Variants in DPYD observed in about 807,000 individuals in gnomAD.
The protein encoded by DPYD is dihydropyrimidine dehydrogenase [NADP(+)].
In DPYD, 109 loss-of-function variants were observed where a neutral mutation model predicts 116.2. That is an observed-to-expected ratio of 0.94 (90% CI 0.80 to 1.10). DPYD has a LOEUF of 1.10. Among genes scored for constraint, DPYD ranks in the 50% least tolerant of loss-of-function variants. The pLI, the probability that DPYD is intolerant of heterozygous loss-of-function variation, is 0.00. For synonymous variants in DPYD, 440 were observed against 432.0 expected (o/e 1.02, Z -0.23); for missense variants, 1,302 against 1,254.5 (o/e 1.04, Z -0.57).
At chr1:97,753,163 A>T (rs905098069) in intron 3 of DPYD, among the ~76,000 whole-genome samples, 2 of 152,168 alleles carry the variant, frequency 1.3e-5, no homozygotes, top group Non-Finnish European at 2.9e-5. Flanking sequence ...GTAGATATAA[A>T]TATTAACTCC....
At chr1:97,224,547 T>C (rs984191496) in intron 19 of DPYD, among the ~76,000 whole-genome samples, 1 of 151,924 alleles carries the variant, frequency 6.6e-6, no homozygotes, top group Non-Finnish European at 1.5e-5. Context: ...TTAGCAAATA[T>C]CTAGTATAAA....
intron 13 of DPYD, among the ~76,000 whole-genome samples, chr1:97,502,802 A>C (rs1679664572): frequency 2.0e-5 from 3 of 151,970 alleles, no homozygotes; most frequent in African/African-American, 7.2e-5. Flanking sequence ...TATAACTTTT[A>C]TTGACAGGGT....
At chr1:97,166,280 T>C (rs1656320767) in intron 20 of DPYD, among the ~76,000 whole-genome samples, 1 of 152,180 alleles carries the variant, frequency 6.6e-6, no homozygotes, top group Non-Finnish European at 1.5e-5. Flanking sequence ...TCATGTCCTG[T>C]GCAGGAACAT....
chr1:97,645,713 A>T (rs1350949547), intron 8 of DPYD, among the ~76,000 whole-genome samples: 13 of 152,054 alleles, frequency 8.5e-5, no homozygotes, highest in Non-Finnish European at 1.8e-4. Flanking sequence ...TTTCCTTACT[A>T]CATCTTCTGA....
chr1:97,901,546 G>C (rs550866832), intron 1 of DPYD, among the ~76,000 whole-genome samples: 3 of 151,860 alleles, frequency 2.0e-5, no homozygotes, highest in Non-Finnish European at 4.4e-5. Context: ...AGGTTGTAAA[G>C]AGACAGAAAA....
At chr1:97,660,766 T>C (rs539109381) in intron 8 of DPYD, among the ~76,000 whole-genome samples, 2 of 152,300 alleles carry the variant, frequency 1.3e-5, no homozygotes, top group South Asian at 2.1e-4. Flanking sequence ...TAGAACTTTT[T>C]CTGTCTTCAC....
At chr1:97,438,326 A>G (rs1425156480) in intron 14 of DPYD, among the ~76,000 whole-genome samples, 1 of 152,032 alleles carries the variant, frequency 6.6e-6, no homozygotes, top group Non-Finnish European at 1.5e-5. Context: ...GCATCTTAAC[A>G]ATAGTGGCTC....
chr1:97,768,673 C>T (rs1571326680), intron 3 of DPYD, among the ~76,000 whole-genome samples: 1 of 152,168 alleles, frequency 6.6e-6, no homozygotes, highest in South Asian at 2.1e-4. Context: ...TGCATAAATG[C>T]TCCACATTTT....
chr1:97,663,093 G>A (rs1381188705), intron 8 of DPYD, among the ~76,000 whole-genome samples: 1 of 151,928 alleles, frequency 6.6e-6, no homozygotes, highest in Non-Finnish European at 1.5e-5. Context: ...ATTCATACTA[G>A]CAAATAGCGA....
At chr1:97,319,259 CA>C (rs1176048580) in intron 16 of DPYD, among the ~76,000 whole-genome samples, 2 of 150,696 alleles carry the variant, frequency 1.3e-5, no homozygotes, top group South Asian at 2.1e-4. Context: ...AATAGAGACA[CA>C]AAAAACCCTT....
chr1:97,221,714 T>C (rs749107046), intron 19 of DPYD, among the ~76,000 whole-genome samples: 4 of 152,116 alleles, frequency 2.6e-5, no homozygotes, highest in Non-Finnish European at 5.9e-5. Context: ...CCTGGGAAGA[T>C]GTTCGCACTA....
intron 8 of DPYD, among the ~76,000 whole-genome samples, chr1:97,663,509 C>T (rs147063662): frequency 1.3e-5 from 2 of 152,268 alleles, no homozygotes; most frequent in Admixed American, 6.5e-5. Flanking sequence ...TACCTTTGGT[C>T]CTCAATTTTC....
intron 14 of DPYD, among the ~76,000 whole-genome samples, chr1:97,442,106 A>G (rs1441183401): frequency 6.6e-6 from 1 of 151,980 alleles, no homozygotes; most frequent in African/African-American, 2.4e-5. Flanking sequence ...ATCTGTACTC[A>G]GTGCTGCATA....
chr1:97,829,305 T>C (rs1172195372), intron 2 of DPYD, among the ~76,000 whole-genome samples: 1 of 152,030 alleles, frequency 6.6e-6, no homozygotes, highest in Non-Finnish European at 1.5e-5. Context: ...TATAAACCAC[T>C]ATTTTTAACC....
intron 14 of DPYD, among the ~76,000 whole-genome samples, chr1:97,383,779 G>A (rs988598573): frequency 1.3e-5 from 2 of 152,054 alleles, no homozygotes; most frequent in Admixed American, 6.6e-5. Context: ...CTTGATACAC[G>A]TAAGTAATTA....
intron 7 of DPYD, among the ~76,000 whole-genome samples, chr1:97,689,911 T>C (rs1660926120): frequency 6.6e-6 from 1 of 152,106 alleles, no homozygotes. Context: ...AAAACATCAT[T>C]TCCTTCACAT....
intron 16 of DPYD, among the ~76,000 whole-genome samples, chr1:97,312,643 C>T (rs1380282950): frequency 1.3e-5 from 2 of 151,744 alleles, no homozygotes; most frequent in Admixed American, 1.3e-4. Flanking sequence ...AAGCAAGACA[C>T]AGAATAACAC....
chr1:97,414,067 C>A (rs879760614), intron 14 of DPYD, among the ~76,000 whole-genome samples: 5 of 151,846 alleles, frequency 3.3e-5, no homozygotes, highest in Non-Finnish European at 5.9e-5. Flanking sequence ...AAATAGCCAC[C>A]TATGAGACAA....
intron 3 of DPYD, among the ~76,000 whole-genome samples, chr1:97,764,695 C>A (rs1234960924): frequency 6.6e-6 from 1 of 151,992 alleles, no homozygotes; most frequent in Admixed American, 6.6e-5. Context: ...TAAACTTTAA[C>A]AATACTTTAT....
Sources: allele counts gnomAD v4.1 joint callset (sites outside exome capture counted in the v4.1 genomes callset), GRCh38; gene constraint gnomAD v4.1.1; transcripts MANE v1.5; gene names NCBI Gene and HGNC (gene_info 2026-07-23, HGNC 2026-07-21).